Variants in ATG10 observed in about 807,000 individuals in gnomAD.
ATG10 encodes autophagy related 10, also known as ubiquitin-like-conjugating enzyme ATG10.
Under a neutral mutation model 32.1 loss-of-function variants are expected in ATG10, and 30 were observed. That is an observed-to-expected ratio of 0.94 (90% CI 0.70 to 1.27). The LOEUF is 1.27. Ranked by LOEUF, ATG10 falls within the 50% of genes most tolerant of loss-of-function variation. The pLI is 0.00. For synonymous variants in ATG10, 87 were observed against 91.5 expected (o/e 0.95, Z 0.28); for missense variants, 233 against 262.3 (o/e 0.89, Z 0.77).
At chr5:82,191,456 T>TA (rs1744657436) in intron 5 of ATG10, among the ~76,000 whole-genome samples, 1 of 152,216 alleles carries the variant, frequency 6.6e-6, no homozygotes, top group Non-Finnish European at 1.5e-5. Flanking sequence ...TCTGCTCTTT[T>TA]AAGCACGGAA....
rs1412622146 is a variant in ATG10, at chr5:82,255,283, T to C, written c.*1220T>C. On this transcript the variant is annotated 3_prime_UTR_variant, in exon 8 of 8. Coordinates refer to ENST00000282185, the MANE Select transcript of ATG10 (RefSeq NM_031482.5). ...TGCATGATAAGATATTGTAAAGTAT[T>C]ATACGAATATTCATTAAATGCTCAC... The C allele has an allele frequency of 6.6e-6, 1 of 152,204 alleles. No individual in the cohort carries two copies. Among genetic ancestry groups the C allele is most frequent in the East Asian group, 1.9e-4 (1 of 5,196 alleles). The allele number at this position is 152,204 out of a possible 1,614,324, so 9.4% of individuals were successfully genotyped here.
In ATG10 at chr5:82,091,917, T is replaced by C. The variant is rs548937372; in HGVS notation, c.216+33315T>C. 2.0e-5 allele frequency among the ~76,000 whole-genome samples: 3 copies of C among 152,278 alleles called. No homozygotes were observed. In the South Asian group the frequency reaches 6.2e-4, roughly 32 times the overall value. The stretch of plus-strand genomic sequence containing the variant: ...TAAAATCATATTACAGTGAACACAA[T>C]ACTGAAAAAGTTTTCTGAATAATAA... On this transcript the variant is annotated intron_variant, in intron 3 of 7. Coordinates refer to ENST00000282185, the MANE Select transcript of ATG10 (RefSeq NM_031482.5).
chr5:81,994,578 A>G (rs1163516617), intron 2 of ATG10, among the ~76,000 whole-genome samples: 1 of 152,224 alleles, frequency 6.6e-6, no homozygotes, highest in East Asian at 1.9e-4. Context: ...TTGTGGATCC[A>G]AATGCAATTC....
At chr5:81,972,764 T>A (rs1393185447) in intron 1 of ATG10, among the ~76,000 whole-genome samples, 1 of 152,194 alleles carries the variant, frequency 6.6e-6, no homozygotes, top group East Asian at 1.9e-4. Context: ...TTTCTTTTTT[T>A]TTTAAACCTC....
chr5:82,184,759 A>T (rs528584854), intron 5 of ATG10, among the ~76,000 whole-genome samples: 53 of 152,314 alleles, frequency 3.5e-4, no homozygotes, highest in African/African-American at 1.3e-3. Context: ...TTTATTTTTT[A>T]AAAAGCAATT....
intron 2 of ATG10, among the ~76,000 whole-genome samples, chr5:82,003,581 T>C (rs1383884883): frequency 1.3e-5 from 2 of 152,124 alleles, no homozygotes; most frequent in African/African-American, 4.8e-5. Context: ...TAAATAACAA[T>C]GGATGTAATT....
chr5:82,001,379 C>A (rs1247833490), intron 2 of ATG10, among the ~76,000 whole-genome samples: 3 of 152,042 alleles, frequency 2.0e-5, no homozygotes, highest in African/African-American at 7.2e-5. Context: ...TGGAGGCATC[C>A]CATTACCCAA....
At chr5:82,065,900 G>A (rs1233785611) in intron 3 of ATG10, among the ~76,000 whole-genome samples, 1 of 148,194 alleles carries the variant, frequency 6.7e-6, no homozygotes, top group Non-Finnish European at 1.5e-5. Context: ...CTAAACTTAA[G>A]TTTTTTTTTT....
intron 3 of ATG10, among the ~76,000 whole-genome samples, chr5:82,121,940 A>ATTTTTTTTTT (rs1440013348): frequency 7.8e-6 from 1 of 128,542 alleles, no homozygotes; most frequent in African/African-American, 3.4e-5. Flanking sequence ...ATTGGCCTGA[A>ATTTTTTTTTT]GTTTTTTTTT....
chr5:82,107,527 T>C (rs911640716), intron 3 of ATG10, among the ~76,000 whole-genome samples: 2 of 152,166 alleles, frequency 1.3e-5, no homozygotes, highest in Non-Finnish European at 2.9e-5. Context: ...GCTTACAATG[T>C]ATTTTAAAAA....
intron 3 of ATG10, among the ~76,000 whole-genome samples, chr5:82,073,977 A>C (rs1328510355): frequency 6.6e-6 from 1 of 152,238 alleles, no homozygotes; most frequent in African/African-American, 2.4e-5. Context: ...CTGGTTTTGA[A>C]ATTCTGTATC....
At chr5:82,174,884 C>T (rs1299995149) in intron 4 of ATG10, among the ~76,000 whole-genome samples, 2 of 152,134 alleles carry the variant, frequency 1.3e-5, no homozygotes, top group East Asian at 3.9e-4. Flanking sequence ...TTGAGATAGC[C>T]GTTATGGGCC....
intron 2 of ATG10, among the ~76,000 whole-genome samples, chr5:82,028,644 A>T (rs1762658921): frequency 6.6e-6 from 1 of 152,328 alleles, no homozygotes; most frequent in Non-Finnish European, 1.5e-5. Flanking sequence ...AGTTTTATGT[A>T]TACAACTTTG....
At chr5:82,022,226 G>A (rs1286633776) in intron 2 of ATG10, among the ~76,000 whole-genome samples, 2 of 151,704 alleles carry the variant, frequency 1.3e-5, no homozygotes, top group East Asian at 1.9e-4. Context: ...GGTTGAATCC[G>A]TGGATGCAGA....
chr5:82,048,630 A>G (rs1763299737), intron 2 of ATG10, among the ~76,000 whole-genome samples: 1 of 152,160 alleles, frequency 6.6e-6, no homozygotes, highest in Admixed American at 6.5e-5. Context: ...AATGGGAGAA[A>G]ATTTTCACAA....
chr5:81,993,360 C>CCTTCTTTCTTTCTTTTCTTTTCTTTTCTT, intron 2 of ATG10, among the ~76,000 whole-genome samples: 1 of 46,796 alleles, frequency 2.1e-5, no homozygotes. Context: ...TCTTTCTTTC[C>CCTTCTTTCTTTCTTTTCTTTTCTTTTCTT]TTCTTTTCTT....
chr5:82,068,371 G>A (rs990145206), intron 3 of ATG10, among the ~76,000 whole-genome samples: 1 of 151,968 alleles, frequency 6.6e-6, no homozygotes, highest in African/African-American at 2.4e-5. Flanking sequence ...ACACAGGGAG[G>A]GGAACATAAC....
intron 1 of ATG10, among the ~76,000 whole-genome samples, chr5:81,982,808 A>T (rs753324437): frequency 6.6e-6 from 1 of 152,356 alleles, no homozygotes; most frequent in East Asian, 1.9e-4. Context: ...AACAAAGCAC[A>T]TCTTGCACCG....
intron 3 of ATG10, among the ~76,000 whole-genome samples, chr5:82,146,121 C>T (rs899890995): frequency 5.3e-5 from 8 of 152,076 alleles, no homozygotes; most frequent in Admixed American, 5.2e-4. Flanking sequence ...TTCCTTGTTT[C>T]TATAGTACAG....
Sources: gnomAD v4.1 joint callset for allele counts (sites outside exome capture counted in the v4.1 genomes callset) on GRCh38, gnomAD v4.1.1 for gene constraint, MANE v1.5 for transcripts, NCBI Gene and HGNC (gene_info 2026-07-23, HGNC 2026-07-21) for gene names.